HMCN1: variants seen among roughly 807,000 people sequenced by gnomAD.
HMCN1 encodes hemicentin 1.
A neutral mutation model predicts 625.9 loss-of-function variants in HMCN1; 321 were observed. The ratio of observed to expected loss-of-function variants is 0.51; its 90% CI spans 0.47 to 0.56. The LOEUF is 0.56. HMCN1 is among the 20% of genes least tolerant of loss of function. HMCN1 has a pLI of 0.00. For missense variants in HMCN1, 6,588 were observed against 6,887.3 expected, an observed-to-expected ratio of 0.96 and a Z score of 1.54; for synonymous variants, 2,425 against 2,417.6, an observed-to-expected ratio of 1.00 and a Z score of -0.09.
At chr1:186,129,578 ATTGT>A (rs1661820196) in intron 83 of HMCN1, among the ~76,000 whole-genome samples, 1 of 152,050 alleles carries the variant, frequency 6.6e-6, no homozygotes, top group Non-Finnish European at 1.5e-5. Flanking sequence ...TTTGATGTAA[ATTGT>A]TTGGGAGGAA....
Position 185,888,516 on chromosome 1 carries a change from T to A in HMCN1, c.622-20821T>A, listed in dbSNP as rs971859253. Among the ~76,000 whole-genome samples, 9 of 143,306 alleles carry A rather than the reference T, an allele frequency of 6.3e-5. 1 individual carries two copies. The highest frequency in any genetic ancestry group is 1.5e-4 in the African/African-American group (5 of 34,462). 94.0% of individuals were successfully genotyped at this position (143,306 alleles called of 152,430 possible). A position where few individuals can be genotyped will look rare whatever the true frequency, so the allele number is the denominator to read the frequency against. On this transcript the variant is annotated intron_variant, in intron 4 of 106. Coordinates refer to ENST00000271588, the MANE Select transcript of HMCN1 (RefSeq NM_031935.3). ...TGTAAGGAAGGGATCCAGTTTCAGC[T>A]TTCTACATATGGCTAGCCAGTTTTC...
At chr1:185,898,885 T>TAAA (rs566386597) in intron 4 of HMCN1, among the ~76,000 whole-genome samples, 5 of 142,082 alleles carry the variant, frequency 3.5e-5, no homozygotes, top group African/African-American at 1.3e-4. Flanking sequence ...TTCAGACAGC[T>TAAA]AAAAAAAAAA....
intron 97 of HMCN1, 121 bp from the exon 98 acceptor site, chr1:186,164,990 T>C (rs1265217966): frequency 3.6e-6 from 3 of 844,506 alleles, no homozygotes; most frequent in East Asian, 2.5e-5. Flanking sequence ...TTTTCACCTA[T>C]TGCATTTTTG....
chr1:186,121,770 G>A (rs923820871), intron 80 of HMCN1, among the ~76,000 whole-genome samples: 2 of 152,126 alleles, frequency 1.3e-5, no homozygotes, highest in Non-Finnish European at 2.9e-5. Flanking sequence ...CCACAAGACT[G>A]GATAAGATCA....
chr1:185,810,965 C>T (rs1468192584), intron 1 of HMCN1, among the ~76,000 whole-genome samples: 3 of 151,866 alleles, frequency 2.0e-5, no homozygotes, highest in Non-Finnish European at 2.9e-5. Context: ...TTTCCTTCAA[C>T]ATCTGCATTT....
chr1:185,801,479 TGA>T (rs1658789733), intron 1 of HMCN1, among the ~76,000 whole-genome samples: 1 of 152,346 alleles, frequency 6.6e-6, no homozygotes, highest in Non-Finnish European at 1.5e-5. Flanking sequence ...CACTTGGCCC[TGA>T]GATGGTGGAA....
intron 26 of HMCN1, among the ~76,000 whole-genome samples, chr1:186,000,576 T>TGTGC (rs951168082): frequency 6.6e-6 from 1 of 150,856 alleles, no homozygotes; most frequent in Non-Finnish European, 1.5e-5. Context: ...TGTGTGTGTG[T>TGTGC]GTGTGTGTGT....
In HMCN1 at chr1:185,942,529, AACTT is replaced by A. The variant is rs555118355; in HGVS notation, c.1828+8706_1828+8709del. On this transcript the variant is annotated intron_variant, in intron 11 of 106. Transcript: ENST00000271588. Reference sequence around the variant, plus strand: ...AATTATTTAAAGAAAGCTACCAACTAACTTTTTTAAAATTTTGGGAGTTCATATC... The same window carrying A: ...AATTATTTAAAGAAAGCTACCAACTATTTTAAAATTTTGGGAGTTCATATC... Among the ~76,000 whole-genome samples, 654 of 152,336 alleles carry A rather than the reference AACTT, an allele frequency of 4.3e-3. 1 individual carries two copies. Among genetic ancestry groups the A allele is most frequent in the African/African-American group, 0.015 (632 of 41,576 alleles).
At chr1:185,994,162 A>G (rs1162979320) in intron 23 of HMCN1, among the ~76,000 whole-genome samples, 1 of 152,198 alleles carries the variant, frequency 6.6e-6, no homozygotes, top group Non-Finnish European at 1.5e-5. Flanking sequence ...TGTATGGTAC[A>G]TTAATTATAA....
intron 86 of HMCN1, among the ~76,000 whole-genome samples, chr1:186,132,975 C>T (rs1342787580): frequency 2.6e-5 from 4 of 152,096 alleles, no homozygotes; most frequent in East Asian, 1.9e-4. Flanking sequence ...ATGAACTCAT[C>T]GTTTTTTATA....
At chr1:186,115,763 C>A (rs1362737430) in intron 75 of HMCN1, among the ~76,000 whole-genome samples, 1 of 151,558 alleles carries the variant, frequency 6.6e-6, no homozygotes, top group Non-Finnish European at 1.5e-5. Flanking sequence ...TAAATACGAT[C>A]TTTAGTTGTA....
At chr1:186,172,487 G>T (rs893185120) in intron 102 of HMCN1, among the ~76,000 whole-genome samples, 1 of 152,122 alleles carries the variant, frequency 6.6e-6, no homozygotes, top group Non-Finnish European at 1.5e-5. Flanking sequence ...TGTCTGTAGA[G>T]ATTAAAATTC....
In HMCN1 at chr1:186,001,708, A is replaced by G; in HGVS notation, c.4315A>G (p.Thr1439Ala). 6.2e-7 allele frequency: 1 copy of G among 1,612,702 alleles called. No individual in the cohort carries two copies. The highest frequency in any genetic ancestry group is 8.5e-7 in the Non-Finnish European group (1 of 1,179,010). ...YSCKAINIAG[T>A]SQKYFNIDVL... ...CTGCAAAGCAATTAATATTGCAGGCACTTCTCAGAAGTACTTTAACATTGA... is the reference window on the plus strand; with the variant it reads ...CTGCAAAGCAATTAATATTGCAGGCGCTTCTCAGAAGTACTTTAACATTGA... The change falls in exon 28 of 107, where the codon ACT becomes GCT. Residue 1439 changes from threonine to alanine, a missense_variant. Coordinates refer to ENST00000271588, the MANE Select transcript of HMCN1 (RefSeq NM_031935.3).
intron 18 of HMCN1, among the ~76,000 whole-genome samples, chr1:185,982,957 T>A (rs1651754059): frequency 6.6e-6 from 1 of 152,106 alleles, no homozygotes; most frequent in Non-Finnish European, 1.5e-5. Flanking sequence ...CTAGTGAACT[T>A]TTTTCAGAAT....
At chr1:186,003,474 C>A (rs12092863) in intron 28 of HMCN1, among the ~76,000 whole-genome samples, 1,890 of 152,066 alleles carry the variant, frequency 0.012, 46 homozygotes, top group African/African-American at 0.042. Flanking sequence ...AAAAATGAAC[C>A]CTATACTGTC....
chr1:185,896,798 C>T (rs16824678), intron 4 of HMCN1, among the ~76,000 whole-genome samples: 9,677 of 152,130 alleles, frequency 0.064, 1,077 homozygotes, highest in African/African-American at 0.22. Flanking sequence ...ACAAAATGAA[C>T]GAGTGTACCT....
chr1:185,891,912 A>G (rs1038105687), intron 4 of HMCN1, among the ~76,000 whole-genome samples: 4 of 148,650 alleles, frequency 2.7e-5, no homozygotes, highest in South Asian at 4.2e-4. Flanking sequence ...CTGTTTTCCA[A>G]CTTGGTTCCA....
intron 4 of HMCN1, among the ~76,000 whole-genome samples, chr1:185,884,352 A>G (rs570177773): frequency 2.0e-4 from 31 of 152,072 alleles, no homozygotes; most frequent in African/African-American, 7.5e-4. Context: ...AAGAATCAAA[A>G]AGCTCCTTAT....
chr1:186,053,751 A>G (rs2102281100), intron 43 of HMCN1, 74 bp from the exon 44 acceptor site: 1 of 1,465,828 alleles, frequency 6.8e-7, no homozygotes, highest in Non-Finnish European at 9.5e-7. Flanking sequence ...GAATAAACAA[A>G]TGTCATACTT....
Sources: gnomAD v4.1 joint callset for allele counts (sites outside exome capture counted in the v4.1 genomes callset) on GRCh38, gnomAD v4.1.1 for gene constraint, MANE v1.5 for transcripts, NCBI Gene and HGNC (gene_info 2026-07-23, HGNC 2026-07-21) for gene names.